CLVS1: variants seen among roughly 807,000 people sequenced by gnomAD.
CLVS1 encodes the protein clavesin 1, also known as clavesin-1.
In CLVS1, 10 loss-of-function variants were observed where a neutral mutation model predicts 33.1. That is an observed-to-expected ratio of 0.30 (90% confidence interval 0.19 to 0.51). The LOEUF (loss-of-function observed/expected upper bound fraction) is 0.51. CLVS1 is among the 20% of genes least tolerant of loss of function. CLVS1 has a pLI of 0.97. For missense variants in CLVS1, 343 were observed against 433.4 expected (o/e 0.79, Z 1.85); for synonymous variants, 163 against 166.1 (o/e 0.98, Z 0.14).
the CLVS1 span, among the ~76,000 whole-genome samples, chr8:61,002,016 T>C: frequency 6.6e-6 from 1 of 152,192 alleles, no homozygotes; most frequent in Non-Finnish European, 1.5e-5. Context: ...TCTTGCTCTG[T>C]TGCCCAGGCT....
intron 2 of CLVS1, among the ~76,000 whole-genome samples, chr8:61,240,678 GT>G (rs948646256): frequency 6.6e-6 from 1 of 152,072 alleles, no homozygotes; most frequent in Non-Finnish European, 1.5e-5. Context: ...TTGTTGGTTT[GT>G]TTTTGATTTG....
At chr8:61,097,350 A>G (rs1805372011) in intron 1 of CLVS1, among the ~76,000 whole-genome samples, 1 of 152,190 alleles carries the variant, frequency 6.6e-6, no homozygotes, top group Non-Finnish European at 1.5e-5. Context: ...AATAATAAAT[A>G]AAAACTCAGT....
In CLVS1 at chr8:61,140,424, A is replaced by G. The variant is rs537418235; in HGVS notation, c.-152+8564A>G. ...TGAAGGGAAGCATTTCTTCCGTCCT[A>G]TTAGAAGTGATACACTTGGCTGGTT... On this transcript the variant is annotated intron_variant, in intron 2 of 2. Transcript: ENST00000522621. Among the ~76,000 whole-genome samples, 3 of 152,332 alleles carry G rather than the reference A, an allele frequency of 2.0e-5. No individual in the cohort carries two copies. In the East Asian group the frequency reaches 5.8e-4, roughly 29 times the overall value.
chr8:61,137,153 G>C (rs1480393938), intron 2 of CLVS1, among the ~76,000 whole-genome samples: 1 of 152,098 alleles, frequency 6.6e-6, no homozygotes, highest in Non-Finnish European at 1.5e-5. Context: ...CATTTAATGG[G>C]GTGCATTTCA....
Position 61,185,174 on chromosome 8 carries a change from T to G in CLVS1, c.-152+53314T>G, listed in dbSNP as rs187224784. ...GTTTTTGTTTTTTGTGACAAGATCT[T>G]GCTCCATCAGCCAGGCTAGAGTGCA... On this transcript the variant is annotated intron_variant, in intron 2 of 2. Coordinates refer to the CLVS1 transcript ENST00000522621. Among the ~76,000 whole-genome samples the G allele has an allele frequency of 9.0e-3, 1,372 of 151,652 alleles. 14 individuals are homozygous for G. The highest frequency in any genetic ancestry group is 0.015 in the Non-Finnish European group (1,013 of 67,892).
At chr8:61,052,063 A>G in the CLVS1 span, among the ~76,000 whole-genome samples, 657 of 152,046 alleles carry the variant, frequency 4.3e-3, 9 homozygotes, top group African/African-American at 0.015. Context: ...AGTGAGGGGG[A>G]CTCAGAGGCT....
At chr8:61,230,634 C>T (rs944530141) in intron 2 of CLVS1, among the ~76,000 whole-genome samples, 2 of 152,098 alleles carry the variant, frequency 1.3e-5, no homozygotes. Flanking sequence ...TTATAATTTG[C>T]TGTTTTTTCT....
intron 2 of CLVS1, among the ~76,000 whole-genome samples, chr8:61,142,826 T>C (rs1806334106): frequency 6.6e-6 from 1 of 152,204 alleles, no homozygotes; most frequent in Non-Finnish European, 1.5e-5. Flanking sequence ...GATCTGGTGA[T>C]ATTTTCATAG....
rs1804489931 is a variant in CLVS1 at position 61,499,612 on chromosome 8, C to T, written c.*70C>T. The T allele has an allele frequency of 4.5e-6, 5 of 1,103,516 alleles. No individual in the cohort carries two copies. In the South Asian group the frequency reaches 6.3e-5, roughly 14 times the overall value. The allele number at this position is 1,103,516 out of a possible 1,614,324, so 68.4% of individuals were successfully genotyped here. The stretch of plus-strand genomic sequence containing the variant: ...ATCAGCCACCCAGGAAGCACATGCA[C>T]AACTGACCCATGCAGACACGTGTGT... On this transcript the variant is annotated 3_prime_UTR_variant, in exon 6 of 6. Transcript: ENST00000325897.
chr8:60,997,191 A>G, the CLVS1 span, among the ~76,000 whole-genome samples: 1 of 152,046 alleles, frequency 6.6e-6, no homozygotes, highest in South Asian at 2.1e-4. Flanking sequence ...GGGATGGTGG[A>G]CTGCAGCTGC....
chr8:61,287,794 T>C (rs1205038475), upstream of CLVS1, among the ~76,000 whole-genome samples: 1 of 152,198 alleles, frequency 6.6e-6, no homozygotes, highest in Admixed American at 6.5e-5. Flanking sequence ...AAATATTCTA[T>C]TTTTAATGTT....
intron 2 of CLVS1, among the ~76,000 whole-genome samples, chr8:61,311,183 C>T (rs1291444813): frequency 1.3e-5 from 2 of 152,172 alleles, no homozygotes; most frequent in Admixed American, 1.3e-4. Context: ...TTCTGAAAAG[C>T]TGTTGATTGA....
intron 5 of CLVS1, among the ~76,000 whole-genome samples, chr8:61,475,082 T>C (rs1393122581): frequency 6.6e-6 from 1 of 152,184 alleles, no homozygotes; most frequent in Non-Finnish European, 1.5e-5. Flanking sequence ...TTGCTGAGAA[T>C]GATGGTTTCC....
At chr8:61,109,434 A>G (rs1286602421) in intron 1 of CLVS1, among the ~76,000 whole-genome samples, 1 of 152,178 alleles carries the variant, frequency 6.6e-6, no homozygotes, top group African/African-American at 2.4e-5. Flanking sequence ...GCTATAATAC[A>G]ATACATAAAT....
intron 2 of CLVS1, among the ~76,000 whole-genome samples, chr8:61,235,883 T>C (rs890465069): frequency 6.6e-6 from 1 of 152,174 alleles, no homozygotes; most frequent in Non-Finnish European, 1.5e-5. Context: ...TTAGTCCTCA[T>C]CTCCAAGCTG....
intron 2 of CLVS1, among the ~76,000 whole-genome samples, chr8:61,188,762 G>T (rs533348099): frequency 3.0e-4 from 46 of 152,060 alleles, no homozygotes; most frequent in African/African-American, 1.1e-3. Flanking sequence ...ATGAAAGAAG[G>T]TAAGTTATGG....
At chr8:60,972,650 C>A in the CLVS1 span, among the ~76,000 whole-genome samples, 2 of 152,010 alleles carry the variant, frequency 1.3e-5, no homozygotes, top group Admixed American at 6.5e-5. Context: ...ACCAGATGGC[C>A]CTACCTGGAC....
intron 3 of CLVS1, among the ~76,000 whole-genome samples, chr8:61,385,629 T>C (rs1814051366): frequency 6.6e-6 from 1 of 152,256 alleles, no homozygotes; most frequent in African/African-American, 2.4e-5. Flanking sequence ...AGACCAGAGT[T>C]GAAGTTGAAA....
chr8:61,063,217 A>G (rs1804613552), intron 1 of CLVS1, among the ~76,000 whole-genome samples: 1 of 141,356 alleles, frequency 7.1e-6, no homozygotes, highest in African/African-American at 2.7e-5. Flanking sequence ...ATTGAATGTT[A>G]TATTAGCCAT....
Sources: gnomAD v4.1 joint callset for allele counts (sites outside exome capture counted in the v4.1 genomes callset) on GRCh38, gnomAD v4.1.1 for gene constraint, MANE v1.5 for transcripts, NCBI Gene and HGNC (gene_info 2026-07-23, HGNC 2026-07-21) for gene names.